The following SETDB2 variants were observed in gnomAD, a reference collection of about 807,000 sequenced individuals.
SETDB2 encodes the protein histone-lysine N-methyltransferase SETDB2.
In SETDB2, 56 loss-of-function variants were observed where a neutral mutation model predicts 82.5. The ratio of observed to expected loss-of-function variants is 0.68; its 90% CI spans 0.55 to 0.85. The LOEUF is 0.85. SETDB2 is among the 40% of genes least tolerant of loss of function. The probability of loss-of-function intolerance (pLI) is 0.00; values close to 1 mark genes in which losing one functional copy is unlikely to be tolerated. For missense variants in SETDB2, 677 were observed against 816.4 expected (o/e 0.83, Z 2.08); for synonymous variants, 272 against 284.9 (o/e 0.95, Z 0.46).
At chr13:49,465,649 G>C (rs1958092214) in intron 4 of SETDB2, among the ~76,000 whole-genome samples, 1 of 151,878 alleles carries the variant, frequency 6.6e-6, no homozygotes, top group South Asian at 2.1e-4. Context: ...CGATTCTCCT[G>C]CCTCAGCCTC....
intron 8 of SETDB2, 80 bp from the exon 9 acceptor site, chr13:49,482,657 T>C (rs7318481): frequency 0.044 from 38,790 of 891,376 alleles, 1,787 homozygotes; most frequent in African/African-American, 0.17. Flanking sequence ...TCTTTAGTCA[T>C]GGAGTAGAAA....
intron 10 of SETDB2, among the ~76,000 whole-genome samples, chr13:49,485,395 T>C (rs1409017): frequency 0.42 from 63,799 of 152,086 alleles, 15,090 homozygotes; most frequent in Middle Eastern, 0.54. Flanking sequence ...AAGAATTTCT[T>C]GACAGTCTTT....
At chr13:49,483,623 T>TTG in intron 10 of SETDB2, 60 bp downstream of exon 10, 1 of 428,006 alleles carries the variant, frequency 2.3e-6, no homozygotes, top group South Asian at 2.9e-5. Flanking sequence ...TTTTTTTTTT[T>TTG]TTTTTTTTTT....
Position 49,476,937 on chromosome 13 carries a change from A to G in SETDB2, c.767A>G (p.Gln256Arg), listed in dbSNP as rs1248171118. The change falls in exon 6 of 14, where the codon CAG (glutamine) becomes CGG (arginine). Residue 256 changes from glutamine (Q) to arginine (R), a missense_variant. Physicochemically the swap from Gln to Arg is conservative, Grantham distance 43. Transcript: ENST00000611815. Reference sequence around the variant, plus strand: ...GAAATTGACAGTAGAAAGCTCCCACAGTTTAAGTACAGAAAGACTGTGTGG... The same window carrying G: ...GAAATTGACAGTAGAAAGCTCCCACGGTTTAAGTACAGAAAGACTGTGTGG... ...CNEIDSRKLP[Q>R]FKYRKTVWPR... 6.2e-7 allele frequency: 1 copy of G among 1,614,198 alleles called. No homozygotes were observed. Among genetic ancestry groups the G allele is most frequent in the Non-Finnish European group, 8.5e-7 (1 of 1,180,038 alleles).
intron 5 of SETDB2, among the ~76,000 whole-genome samples, chr13:49,476,101 C>T (rs1481769028): frequency 6.6e-6 from 1 of 152,096 alleles, no homozygotes; most frequent in Non-Finnish European, 1.5e-5. Context: ...CAGAAAGTTA[C>T]AGCTGTAATC....
At position 49,488,486 on chromosome 13, in the gene SETDB2, A is replaced by C; in HGVS notation, c.1773A>C (p.Ala591=). ...AACCCCAAGAGGGACGATCTACAGCATGTCAAAGACAGCAGGTATTTTGTG... is the reference window on the plus strand; with the variant it reads ...AACCCCAAGAGGGACGATCTACAGCCTGTCAAAGACAGCAGGTATTTTGTG... The part of the protein sequence containing the change: ...IQKPQEGRST[A]CQRQQVFCDE... Residue 591 remains alanine, a synonymous_variant, in exon 12 of 14, where the codon GCA becomes GCC. Coordinates refer to ENST00000611815, the MANE Select transcript of SETDB2 (RefSeq NM_001160308.3). The C allele has an allele frequency of 6.2e-7, 1 of 1,614,140 alleles. No individual in the cohort carries two copies. Among genetic ancestry groups the C allele is most frequent in the South Asian group, 1.1e-5 (1 of 91,068 alleles).
intron 5 of SETDB2, among the ~76,000 whole-genome samples, chr13:49,470,312 GAC>G (rs938357973): frequency 3.0e-4 from 45 of 152,240 alleles, no homozygotes; most frequent in African/African-American, 1.1e-3. Flanking sequence ...CAGATGAAGG[GAC>G]ATGTCTTATT....
intron 1 of SETDB2, 66 bp from the exon 2 acceptor site, chr13:49,451,487 A>G (rs1282547409): frequency 1.5e-5 from 2 of 137,708 alleles, no homozygotes; most frequent in African/African-American, 3.0e-5. Flanking sequence ...ACATATATAT[A>G]TATATATATA....
chr13:49,446,439 G>T (rs1364615033), intron 1 of SETDB2: 2 of 456,196 alleles, frequency 4.4e-6, no homozygotes, highest in Non-Finnish European at 8.8e-6. Context: ...TCCCGCTGGA[G>T]ACTTTGGTAC....
rs747352131 is a variant in SETDB2, at chr13:49,480,241, C to T, written c.892C>T (p.Leu298=). The T allele has an allele frequency of 1.2e-6, 2 of 1,609,398 alleles. No homozygotes were observed. Among genetic ancestry groups the T allele is most frequent in the Non-Finnish European group, 1.7e-6 (2 of 1,178,600 alleles). The change falls in exon 7 of 14, where the codon CTG becomes TTG. Residue 298 remains leucine, a synonymous_variant. Transcript: ENST00000611815. ...IDITKCACLQ[L]TARNAKTSPL... ...TAGAACAAAATGTGCATGTCTTCAA[C>T]TGACAGCAAGGAATGCCAAAACTTC...
intron 5 of SETDB2, among the ~76,000 whole-genome samples, chr13:49,470,810 A>C (rs1374444561): frequency 6.6e-6 from 1 of 152,138 alleles, no homozygotes; most frequent in African/African-American, 2.4e-5. Context: ...GCGCCTCCGC[A>C]CTCTAGCTTG....
intron 11 of SETDB2, among the ~76,000 whole-genome samples, chr13:49,487,639 G>T (rs1958623420): frequency 6.6e-6 from 1 of 152,134 alleles, no homozygotes; most frequent in Non-Finnish European, 1.5e-5. Context: ...ACCATGCCCA[G>T]CCATATTCAT....
intron 2 of SETDB2, among the ~76,000 whole-genome samples, chr13:49,456,740 C>T (rs182337270): frequency 4.9e-4 from 74 of 152,234 alleles, no homozygotes; most frequent in Non-Finnish European, 5.6e-4. Flanking sequence ...CAAAGTCTCC[C>T]AGATGTTTCT....
chr13:49,453,272 T>C (rs1957816093), intron 2 of SETDB2, among the ~76,000 whole-genome samples: 1 of 152,042 alleles, frequency 6.6e-6, no homozygotes, highest in African/African-American at 2.4e-5. Flanking sequence ...GGTTTGGCTA[T>C]TGGGAGCTCT....
chr13:49,464,932 G>A (rs1958071694), intron 4 of SETDB2, among the ~76,000 whole-genome samples: 1 of 151,980 alleles, frequency 6.6e-6, no homozygotes, highest in Admixed American at 6.5e-5. Flanking sequence ...TGGCTGTGGT[G>A]GTGTGTGCCT....
At chr13:49,472,022 C>T (rs1295931939) in intron 5 of SETDB2, among the ~76,000 whole-genome samples, 14 of 150,328 alleles carry the variant, frequency 9.3e-5, no homozygotes, top group African/African-American at 2.2e-4. Context: ...CCTCCCACCT[C>T]GGCCTGCCAC....
Position 49,476,519 on chromosome 13 carries a change from G to T in SETDB2, c.349G>T (p.Val117Leu), listed in dbSNP as rs745986148. The T allele has an allele frequency of 3.1e-6, 5 of 1,609,998 alleles. No homozygotes were observed. Among genetic ancestry groups the T allele is most frequent in the Non-Finnish European group, 4.2e-6 (5 of 1,177,984 alleles). Reference protein sequence around the residue: ...KEILSLEDKVVDFREKDSSSN... With the variant: ...KEILSLEDKVLDFREKDSSSN... The stretch of plus-strand genomic sequence containing the variant: ...AATTCTCTCTCTTGAAGATAAAGTT[G>T]TAGACTTTAGAGAAAAAGACTCATC... The change falls in exon 6 of 14, where the codon GTA (valine) becomes TTA (leucine). Residue 117 changes from valine to leucine, a missense_variant. By Grantham distance (32) the Val-to-Leu change is conservative. Coordinates refer to ENST00000611815, the MANE Select transcript of SETDB2 (RefSeq NM_001160308.3).
intron 1 of SETDB2, among the ~76,000 whole-genome samples, chr13:49,448,148 A>G (rs759661597): frequency 2.6e-5 from 4 of 152,144 alleles, no homozygotes; most frequent in Non-Finnish European, 5.9e-5. Flanking sequence ...CTAGTGAACT[A>G]GCAGTGAGGG....
chr13:49,446,469 T>C, intron 1 of SETDB2: 1 of 447,952 alleles, frequency 2.2e-6, no homozygotes, highest in Non-Finnish European at 4.5e-6. Context: ...AAGTGTTTTT[T>C]AATACTTACA....
Sources: allele counts gnomAD v4.1 joint callset (sites outside exome capture counted in the v4.1 genomes callset), GRCh38; gene constraint gnomAD v4.1.1; transcripts MANE v1.5; gene names NCBI Gene and HGNC (gene_info 2026-07-23, HGNC 2026-07-21).